Variants in KAZN observed in about 807,000 individuals in gnomAD.
KAZN encodes kazrin, periplakin interacting protein.
Under a neutral mutation model 87.4 loss-of-function variants are expected in KAZN, and 40 were observed. The observed-to-expected ratio is 0.46, with a 90% CI of 0.36 to 0.60. The LOEUF is 0.60. Among genes scored for constraint, KAZN ranks in the 20% least tolerant of loss-of-function variants. KAZN has a pLI of 0.00. For synonymous variants in KAZN, 466 were observed against 458.3 expected (o/e 1.02, Z -0.22); for missense variants, 898 against 1,073.9 (o/e 0.84, Z 2.29).
chr1:14,941,232 C>T (rs995400725), intron 1 of KAZN, among the ~76,000 whole-genome samples: 2 of 152,066 alleles, frequency 1.3e-5, no homozygotes, highest in Non-Finnish European at 2.9e-5. Flanking sequence ...TTCACCTTTT[C>T]TGTAGCCTGC....
intron 1 of KAZN, among the ~76,000 whole-genome samples, chr1:14,706,374 TC>T (rs1363387755): frequency 2.6e-5 from 4 of 152,074 alleles, no homozygotes; most frequent in Non-Finnish European, 5.9e-5. Flanking sequence ...TGAAACCAGT[TC>T]CTGGTGCCAA....
chr1:13,992,289 CTT>C (rs1491277682), intron 1 of KAZN, among the ~76,000 whole-genome samples: 1 of 151,886 alleles, frequency 6.6e-6, no homozygotes, highest in Non-Finnish European at 1.5e-5. Context: ...ATTTATGAAT[CTT>C]TATTTTTTTT....
chr1:14,355,243 T>C (rs978075036), intron 2 of KAZN, among the ~76,000 whole-genome samples: 13 of 152,144 alleles, frequency 8.5e-5, no homozygotes, highest in African/African-American at 3.1e-4. Context: ...GATATGTATA[T>C]TGCATTTATC....
intron 3 of KAZN, among the ~76,000 whole-genome samples, chr1:15,037,357 C>T: frequency 6.6e-6 from 1 of 152,194 alleles, no homozygotes; most frequent in East Asian, 1.9e-4. Context: ...AGCTTCCTCC[C>T]CTCCTGGGAC....
chr1:14,368,549 G>A (rs1280440685), intron 2 of KAZN, among the ~76,000 whole-genome samples: 1 of 152,146 alleles, frequency 6.6e-6, no homozygotes, highest in East Asian at 1.9e-4. Flanking sequence ...ATGGGACCTA[G>A]AGAAACAGCT....
chr1:14,483,477 A>G (rs1453644118), intron 2 of KAZN, among the ~76,000 whole-genome samples: 7 of 152,236 alleles, frequency 4.6e-5, no homozygotes, highest in Non-Finnish European at 1.0e-4. Context: ...TGCTTCTTAT[A>G]TATTTTGGAT....
intron 2 of KAZN, among the ~76,000 whole-genome samples, chr1:14,362,523 G>T (rs539423731): frequency 2.0e-5 from 3 of 152,208 alleles, no homozygotes; most frequent in South Asian, 4.1e-4. Flanking sequence ...CAGGGGATCA[G>T]ACATGAGGAT....
intron 2 of KAZN, among the ~76,000 whole-genome samples, chr1:14,249,915 A>G (rs1370091626): frequency 6.6e-6 from 1 of 152,068 alleles, no homozygotes; most frequent in Non-Finnish European, 1.5e-5. Flanking sequence ...TCTTCTGCCC[A>G]CAGCTGTCCG....
chr1:14,585,437 G>C (rs80255400), intron 2 of KAZN, among the ~76,000 whole-genome samples: 131 of 152,286 alleles, frequency 8.6e-4, no homozygotes, highest in African/African-American at 2.9e-3. Flanking sequence ...CCAGGTTCAG[G>C]TTTGCTCCAT....
At chr1:14,101,488 C>T (rs76348721) in intron 1 of KAZN, among the ~76,000 whole-genome samples, 3,062 of 152,208 alleles carry the variant, frequency 0.02, 88 homozygotes, top group South Asian at 0.066. Flanking sequence ...CTCCAAAGTG[C>T]TTTGAAGGCT....
chr1:14,075,923 T>A (rs1643439185), intron 1 of KAZN, among the ~76,000 whole-genome samples: 1 of 152,160 alleles, frequency 6.6e-6, no homozygotes. Flanking sequence ...GTGACCTTAT[T>A]TAAAAAGAGG....
chr1:14,174,457 A>T (rs10928049), intron 1 of KAZN, among the ~76,000 whole-genome samples: 18,736 of 152,212 alleles, frequency 0.12, 1,276 homozygotes, highest in East Asian at 0.33. Context: ...AGCCTATCTA[A>T]GGCTAACAGG....
At chr1:14,073,405 AT>A (rs111308531) in intron 1 of KAZN, among the ~76,000 whole-genome samples, 51 of 152,114 alleles carry the variant, frequency 3.4e-4, no homozygotes, top group Middle Eastern at 3.4e-3. Flanking sequence ...CTTTAAAACA[AT>A]TTTTTTTATT....
At chr1:15,101,920 C>T (rs572921845) in intron 11 of KAZN, 146 bp downstream of exon 11, 3 of 648,126 alleles carry the variant, frequency 4.6e-6, no homozygotes, top group Admixed American at 2.3e-5. Context: ...ATTTATTGAT[C>T]ATCCGTCCAT....
intron 1 of KAZN, among the ~76,000 whole-genome samples, chr1:13,998,612 T>TAAA (rs35049867): frequency 3.3e-4 from 44 of 131,426 alleles, no homozygotes; most frequent in African/African-American, 9.3e-4. Context: ...CCAAGAAAGA[T>TAAA]AAAAAAAAAA....
At chr1:15,093,358 G>C (rs997441020) in intron 8 of KAZN, among the ~76,000 whole-genome samples, 3 of 152,020 alleles carry the variant, frequency 2.0e-5, no homozygotes, top group Non-Finnish European at 4.4e-5. Context: ...GATGAGACAG[G>C]TCTCAGTCAT....
intron 1 of KAZN, among the ~76,000 whole-genome samples, chr1:14,832,402 G>C (rs770722464): frequency 6.6e-6 from 1 of 152,040 alleles, no homozygotes; most frequent in African/African-American, 2.4e-5. Flanking sequence ...CAGCAGCTTC[G>C]ACAGAGAGAG....
chr1:14,187,262 A>C (rs1299599532), intron 2 of KAZN, among the ~76,000 whole-genome samples: 2 of 152,160 alleles, frequency 1.3e-5, no homozygotes, highest in African/African-American at 4.8e-5. Flanking sequence ...TTGGGAAAGA[A>C]GAACATTAAA....
intron 1 of KAZN, among the ~76,000 whole-genome samples, chr1:14,951,445 C>CTT (rs56820982): frequency 2.6e-5 from 4 of 150,966 alleles, no homozygotes; most frequent in African/African-American, 7.3e-5. Flanking sequence ...GTGTCTCTGT[C>CTT]TTTTTTTTTA....
Sources: allele counts gnomAD v4.1 joint callset (sites outside exome capture counted in the v4.1 genomes callset), GRCh38; gene constraint gnomAD v4.1.1; transcripts MANE v1.5; gene names NCBI Gene and HGNC (gene_info 2026-07-23, HGNC 2026-07-21).